Variants in XKRX observed in about 807,000 individuals in gnomAD.
XKRX encodes XK-related protein 2.
Under a neutral mutation model 22.4 loss-of-function variants are expected in XKRX, and 11 were observed. The ratio of observed to expected loss-of-function variants is 0.49; its 90% confidence interval spans 0.31 to 0.81. The LOEUF is 0.81. Ranked by LOEUF, XKRX falls within the 40% of genes least tolerant of loss-of-function variation. XKRX has a pLI of 0.05. For synonymous variants in XKRX, 114 were observed against 132.2 expected, an observed-to-expected ratio of 0.86 and a Z score of 0.94; for missense variants, 320 against 336.5, an observed-to-expected ratio of 0.95 and a Z score of 0.38.
At chrX:100,903,739 G>A in the XKRX span, among the ~76,000 whole-genome samples, 1 of 111,372 alleles carries the variant, frequency 9.0e-6, no homozygotes, top group Non-Finnish European at 1.9e-5. Flanking sequence ...ATTTACATTA[G>A]CACCCCCCAA....
At chrX:100,891,042 G>A in the XKRX span, among the ~76,000 whole-genome samples, 1 of 111,434 alleles carries the variant, frequency 9.0e-6, no homozygotes, top group Non-Finnish European at 1.9e-5. Context: ...CTAATTGAAT[G>A]TAGTCAACAA....
At chrX:100,895,131 C>T in the XKRX span, among the ~76,000 whole-genome samples, 1 of 111,913 alleles carries the variant, frequency 8.9e-6, no homozygotes, top group Non-Finnish European at 1.9e-5. Flanking sequence ...TATACTAAAT[C>T]CACCCCTTCT....
chrX:100,951,299 A>G, the XKRX span, among the ~76,000 whole-genome samples: 1 of 106,435 alleles, frequency 9.4e-6, no homozygotes, highest in African/African-American at 3.4e-5. Flanking sequence ...AAAACTACCT[A>G]TTGGGTACTA....
At chrX:100,942,822 G>GAT in the XKRX span, among the ~76,000 whole-genome samples, 1 of 111,199 alleles carries the variant, frequency 9.0e-6, no homozygotes, top group African/African-American at 3.3e-5. Context: ...CTTGTTTACT[G>GAT]ATACCCTTAA....
chrX:100,915,482 T>C (rs2085430096), intron 2 of XKRX, among the ~76,000 whole-genome samples: 1 of 111,071 alleles, frequency 9.0e-6, no homozygotes, highest in Non-Finnish European at 1.9e-5. Flanking sequence ...GAAAACAGCA[T>C]GGAGGTTCTC....
the XKRX span, among the ~76,000 whole-genome samples, chrX:100,951,371 C>T: frequency 1.0e-5 from 1 of 98,814 alleles, no homozygotes; most frequent in Non-Finnish European, 2.0e-5. Context: ...GCAATATACC[C>T]ATGTAACAAA....
the XKRX span, among the ~76,000 whole-genome samples, chrX:100,936,540 C>CAAAAAAAAAAAAAAAAAAAAAAAAAAAA: frequency 1.3e-3 from 34 of 25,408 alleles, no homozygotes; most frequent in Admixed American, 7.3e-3. Flanking sequence ...GACTCTGTCT[C>CAAAAAAAAAAAAAAAAAAAAAAAAAAAA]AAAAAAAAAA....
At chrX:100,936,540 C>CAA in the XKRX span, among the ~76,000 whole-genome samples, 10 of 25,397 alleles carry the variant, frequency 3.9e-4, no homozygotes, top group East Asian at 2.7e-3. Flanking sequence ...GACTCTGTCT[C>CAA]AAAAAAAAAA....
the XKRX span, among the ~76,000 whole-genome samples, chrX:100,893,041 C>A: frequency 8.9e-6 from 1 of 111,862 alleles, no homozygotes; most frequent in Non-Finnish European, 1.9e-5. Flanking sequence ...ATGGACAAAC[C>A]TAGAGGATAT....
At chrX:100,902,227 A>G in the XKRX span, among the ~76,000 whole-genome samples, 1 of 112,031 alleles carries the variant, frequency 8.9e-6, no homozygotes, top group South Asian at 3.7e-4. Flanking sequence ...TTTGAACTAA[A>G]TGAAAATTAA....
chrX:100,888,361 G>A, the XKRX span: 2 of 726,623 alleles, frequency 2.8e-6, no homozygotes, highest in East Asian at 3.2e-5. Context: ...CATCCACCTT[G>A]TGTGGCCTTG....
downstream of XKRX, among the ~76,000 whole-genome samples, chrX:100,911,715 A>G (rs2085407664): frequency 8.9e-6 from 1 of 112,348 alleles, no homozygotes; most frequent in Admixed American, 9.4e-5. Flanking sequence ...TCCCTGCCCC[A>G]CTACCATATT....
chrX:100,922,085 G>C (rs1476698433), intron 2 of XKRX, among the ~76,000 whole-genome samples: 2 of 110,021 alleles, frequency 1.8e-5, no homozygotes, highest in Non-Finnish European at 3.8e-5. Context: ...CACCCGCCTT[G>C]GCCTCCCAAA....
the XKRX span, among the ~76,000 whole-genome samples, chrX:100,944,661 C>A: frequency 8.9e-6 from 1 of 112,391 alleles, no homozygotes; most frequent in African/African-American, 3.2e-5. Flanking sequence ...CCATGCCCAG[C>A]CAAATAAAAC....
chrX:100,917,344 C>T (rs2085441565), intron 2 of XKRX, among the ~76,000 whole-genome samples: 1 of 108,986 alleles, frequency 9.2e-6, no homozygotes, highest in Non-Finnish European at 1.9e-5. Context: ...GCCGTGCACA[C>T]GGTGGCTCAC....
chrX:100,957,061 C>T, the XKRX span: 4 of 1,122,761 alleles, frequency 3.6e-6, no homozygotes, highest in Non-Finnish European at 4.9e-6. Context: ...CAGTTAAATG[C>T]TGAGCCTGGT....
At chrX:100,888,522 C>T in the XKRX span, 1 of 658,547 alleles carries the variant, frequency 1.5e-6, no homozygotes, top group Non-Finnish European at 2.5e-6. Context: ...TCGGTTGTTT[C>T]AAACCTCAAC....
chrX:100,928,956 C>A, upstream of XKRX: 1 of 487,831 alleles, frequency 2.0e-6, no homozygotes, highest in Non-Finnish European at 2.5e-6. Flanking sequence ...TCGGATTCCC[C>A]CAAGCCCCGC....
chrX:100,927,657 A>T (rs1228021794), intron 1 of XKRX, among the ~76,000 whole-genome samples: 3 of 111,277 alleles, frequency 2.7e-5, no homozygotes, highest in Non-Finnish European at 5.7e-5. Flanking sequence ...AAAATTTTTT[A>T]AATAAAATTA....
Sources: gnomAD v4.1 joint callset for allele counts (sites outside exome capture counted in the v4.1 genomes callset) on GRCh38, gnomAD v4.1.1 for gene constraint, MANE v1.5 for transcripts, NCBI Gene and HGNC (gene_info 2026-07-23, HGNC 2026-07-21) for gene names.